The following DNAJC10 variants were observed in gnomAD, a reference collection of about 807,000 sequenced individuals.
DNAJC10 encodes the protein endoplasmic reticulum disulfide reductase DNAJC10.
In DNAJC10, 101 loss-of-function variants were observed where a neutral mutation model predicts 115.0. The ratio of observed to expected loss-of-function variants is 0.88; its 90% CI spans 0.75 to 1.04. The LOEUF is 1.04. Ranked by LOEUF, DNAJC10 falls within the 50% of genes least tolerant of loss-of-function variation. The probability of loss-of-function intolerance (pLI) is 0.00; values close to 1 mark genes in which losing one functional copy is unlikely to be tolerated. For missense variants in DNAJC10, 981 were observed against 928.8 expected (o/e 1.06, Z -0.73); for synonymous variants, 307 against 301.5 (o/e 1.02, Z -0.19).
Position 182,762,718 on chromosome 2 carries a change from T to A in DNAJC10, c.2182T>A (p.Cys728Ser). ...AAAAGTGAAAGCTGGAAAAGTAGACTGTCAGGCTTATGCTCAGACATGCCA... is the reference window on the plus strand; with the variant it reads ...AAAAGTGAAAGCTGGAAAAGTAGACAGTCAGGCTTATGCTCAGACATGCCA... ...KGKVKAGKVD[C>S]QAYAQTCQKA... The change falls in exon 22 of 24, where the codon TGT becomes AGT. Residue 728 changes from cysteine (C) to serine (S), a missense_variant. Physicochemically the swap from Cys to Ser is moderately radical, Grantham distance 112 (BLOSUM62 -1). Transcript: ENST00000264065. 1 of 1,612,700 alleles carries A rather than the reference T, an allele frequency of 6.2e-7. No homozygotes were observed.
In DNAJC10 at chr2:182,779,894, T is replaced by G. The variant is rs974308936; in HGVS notation, c.*2762T>G. The G allele has an allele frequency of 5.3e-5, 8 of 152,194 alleles. No homozygotes were observed. Among genetic ancestry groups the G allele is most frequent in the Non-Finnish European group, 8.8e-5 (6 of 68,028 alleles). 9.4% of individuals were successfully genotyped at this position (152,194 alleles called of 1,614,324 possible). On this transcript the variant is annotated 3_prime_UTR_variant, in exon 24 of 24. Coordinates refer to ENST00000264065, the MANE Select transcript of DNAJC10 (RefSeq NM_018981.4). ...GGGTAGCACTTTTAAGTCATTTGAA[T>G]AGAATATTTGTGTAATATTTAGTCT... is the stretch of plus-strand genomic sequence containing the variant.
rs1376328108 is a variant in DNAJC10 at position 182,789,002 on chromosome 2, TC to T, written c.*11871del. The T allele has an allele frequency of 3.8e-6, 1 of 265,108 alleles. No homozygotes were observed. The highest frequency in any genetic ancestry group is 2.3e-5 in the African/African-American group (1 of 43,504). The allele number at this position is 265,108 out of a possible 1,614,324, so 16.4% of individuals were successfully genotyped here. A position where few individuals can be genotyped will look rare whatever the true frequency, so the allele number is the denominator to read the frequency against. On this transcript the variant is annotated 3_prime_UTR_variant, in exon 24 of 24. Transcript: ENST00000264065. The stretch of plus-strand genomic sequence containing the variant: ...AAGTAATTTCACATTGTTCAACCCA[TC>T]TCCGTGACTTTATCTTGCAAAACTG...
At chr2:182,733,676 A>G (rs1466229930) in intron 10 of DNAJC10, among the ~76,000 whole-genome samples, 2 of 112,426 alleles carry the variant, frequency 1.8e-5, no homozygotes, top group African/African-American at 6.9e-5. Flanking sequence ...AACTGTTGTT[A>G]TTTCTTTCTC....
At chr2:182,769,036 T>G (rs111334733) in intron 22 of DNAJC10, among the ~76,000 whole-genome samples, 3,375 of 152,226 alleles carry the variant, frequency 0.022, 127 homozygotes, top group African/African-American at 0.078. Flanking sequence ...CCAAGTGATC[T>G]CATTGTTCAA....
intron 4 of DNAJC10, 102 bp from the exon 5 acceptor site, chr2:182,721,923 T>C: frequency 1.6e-6 from 1 of 627,788 alleles, no homozygotes; most frequent in Non-Finnish European, 2.7e-6. Flanking sequence ...TATAATATAG[T>C]AGTTTGATTT....
intron 2 of DNAJC10, among the ~76,000 whole-genome samples, chr2:182,717,673 T>C (rs1402204687): frequency 3.3e-5 from 5 of 152,220 alleles, no homozygotes; most frequent in Admixed American, 6.5e-5. Context: ...GTTCTGATGC[T>C]CGTCAGAGGT....
rs559482214 is a variant in DNAJC10 at position 182,756,668 on chromosome 2, C to G, written c.1809+199C>G. Among the ~76,000 whole-genome samples the G allele has an allele frequency of 7.9e-4, 120 of 152,010 alleles. 1 individual carries two copies. Among genetic ancestry groups the G allele is most frequent in the African/African-American group, 2.5e-3 (105 of 41,470 alleles). On this transcript the variant is annotated intron_variant, in intron 18 of 23. Coordinates refer to ENST00000264065, the MANE Select transcript of DNAJC10 (RefSeq NM_018981.4). ...CCTACCATTTTTGTGTGTATAGCAT[C>G]TGGTACACTTTTTTTTTTTGGTCGG...
intron 13 of DNAJC10, 44 bp from the exon 14 acceptor site, chr2:182,743,554 G>A: frequency 7.3e-7 from 1 of 1,366,012 alleles, no homozygotes; most frequent in Middle Eastern, 1.8e-4. Flanking sequence ...AAATCAAATG[G>A]GTAAGACAGT....
At position 182,763,627 on chromosome 2, in the gene DNAJC10, G is replaced by A. The variant is rs145930490; in HGVS notation, c.2265+826G>A. Among the ~76,000 whole-genome samples, 13 of 152,120 alleles carry A rather than the reference G, an allele frequency of 8.5e-5. No individual in the cohort carries two copies. The South Asian group carries it at 2.3e-3, about 27-fold the overall frequency. On this transcript the variant is annotated intron_variant, in intron 22 of 23. Transcript: ENST00000264065. Reference sequence around the variant, plus strand: ...CACACTCCACTCCTGTCCTGTTTTCGGGATCAAGGAATTTCATTCTCATGC... The same window carrying A: ...CACACTCCACTCCTGTCCTGTTTTCAGGATCAAGGAATTTCATTCTCATGC...
chr2:182,733,092 A>T (rs1215264099), intron 10 of DNAJC10, among the ~76,000 whole-genome samples: 1 of 151,994 alleles, frequency 6.6e-6, no homozygotes, highest in Non-Finnish European at 1.5e-5. Flanking sequence ...TTTATTAATC[A>T]TGTTATTTGT....
At position 182,756,478 on chromosome 2, in the gene DNAJC10, A is replaced by C; in HGVS notation, c.1809+9A>C. On this transcript the variant is annotated intron_variant, in intron 18 of 23. Coordinates refer to ENST00000264065, the MANE Select transcript of DNAJC10 (RefSeq NM_018981.4). Reference sequence around the variant, plus strand: ...GGAAAAGAATGGCCCGGGTATAGTAAAAATAGTTTATTTTAAATCTTAACA... The same window carrying C: ...GGAAAAGAATGGCCCGGGTATAGTACAAATAGTTTATTTTAAATCTTAACA... 6.3e-7 allele frequency: 1 copy of C among 1,599,316 alleles called. No individual in the cohort carries two copies. The highest frequency in any genetic ancestry group is 8.5e-7 in the Non-Finnish European group (1 of 1,175,540).
At chr2:182,725,396 C>G (rs1350206578) in intron 5 of DNAJC10, among the ~76,000 whole-genome samples, 5 of 152,090 alleles carry the variant, frequency 3.3e-5, no homozygotes. Context: ...TATCAAAACC[C>G]AAGACAGGCT....
intron 13 of DNAJC10, among the ~76,000 whole-genome samples, chr2:182,741,776 A>G (rs1034863287): frequency 5.9e-5 from 9 of 152,304 alleles, no homozygotes; most frequent in South Asian, 4.1e-4. Flanking sequence ...TATTTACTCT[A>G]TATAACCATT....
At chr2:182,720,462 G>T (rs2105605532) in intron 4 of DNAJC10, among the ~76,000 whole-genome samples, 1 of 152,240 alleles carries the variant, frequency 6.6e-6, no homozygotes, top group Middle Eastern at 3.4e-3. Context: ...ACAATGGATT[G>T]TATGTAGGAC....
In DNAJC10 at chr2:182,751,684, G is replaced by A. The variant is rs1321635852; in HGVS notation, c.1333G>A (p.Ala445Thr). The A allele has an allele frequency of 6.2e-7, 1 of 1,613,728 alleles. No individual in the cohort carries two copies. Among genetic ancestry groups the A allele is most frequent in the Non-Finnish European group, 8.5e-7 (1 of 1,179,804 alleles). The change falls in exon 15 of 24, where the codon GCC becomes ACC. Residue 445 changes from alanine to threonine, a missense_variant. Transcript: ENST00000264065. ...HGKKILYDIL[A>T]FAKESVNSHV... ...AAAGAAGATTCTATATGATATACTTGCCTTTGCCAAAGAAAGTGTGAATTC... is the reference window on the plus strand; with the variant it reads ...AAAGAAGATTCTATATGATATACTTACCTTTGCCAAAGAAAGTGTGAATTC...
chr2:182,750,037 T>G (rs1022589296), intron 14 of DNAJC10, among the ~76,000 whole-genome samples: 1 of 152,138 alleles, frequency 6.6e-6, no homozygotes, highest in Admixed American at 6.5e-5. Context: ...GCTCTCAATA[T>G]GGTAGCTAGC....
chr2:182,730,565 C>G (rs1001277078), intron 8 of DNAJC10: 8 of 452,260 alleles, frequency 1.8e-5, no homozygotes, highest in African/African-American at 1.6e-4. Flanking sequence ...TGTAAAACAA[C>G]CCAGTTGGGG....
chr2:182,761,066 G>A (rs1048520868), intron 21 of DNAJC10, among the ~76,000 whole-genome samples: 2 of 151,998 alleles, frequency 1.3e-5, no homozygotes, highest in African/African-American at 4.8e-5. Flanking sequence ...ATGCTAAGTA[G>A]TAGGGCCACG....
At chr2:182,773,742 A>C (rs1559028816) in intron 22 of DNAJC10, among the ~76,000 whole-genome samples, 1 of 152,074 alleles carries the variant, frequency 6.6e-6, no homozygotes, top group Non-Finnish European at 1.5e-5. Flanking sequence ...ATCTTTTTTC[A>C]AGGTTTTTAG....
Sources: allele counts gnomAD v4.1 joint callset (sites outside exome capture counted in the v4.1 genomes callset), GRCh38; gene constraint gnomAD v4.1.1; transcripts MANE v1.5; gene names NCBI Gene and HGNC (gene_info 2026-07-23, HGNC 2026-07-21).